Variants in CTNNA3 observed in about 807,000 individuals in gnomAD.
CTNNA3 encodes catenin alpha 3.
In CTNNA3, 76 loss-of-function variants were observed where a neutral mutation model predicts 95.7. The observed-to-expected ratio is 0.79, with a 90% CI of 0.66 to 0.96. The LOEUF is 0.96. Among genes scored for constraint, CTNNA3 ranks in the 40% least tolerant of loss-of-function variants. The probability of loss-of-function intolerance (pLI) is 0.00; values close to 1 mark genes in which losing one functional copy is unlikely to be tolerated. For synonymous variants in CTNNA3, 431 were observed against 374.4 expected (o/e 1.15, Z -1.74); for missense variants, 1,191 against 1,089.8 (o/e 1.09, Z -1.31).
intron 15 of CTNNA3, among the ~76,000 whole-genome samples, chr10:65,994,813 C>T (rs910297305): frequency 6.6e-6 from 1 of 152,028 alleles, no homozygotes; most frequent in African/African-American, 2.4e-5. Context: ...CTTTATGGAG[C>T]CCCATTTGTT....
intron 1 of CTNNA3, among the ~76,000 whole-genome samples, chr10:67,693,507 C>CA (rs953327796): frequency 8.6e-5 from 13 of 151,456 alleles, no homozygotes; most frequent in South Asian, 2.1e-4. Flanking sequence ...CCTTCTATTC[C>CA]AAAAAAAATA....
At chr10:66,889,286 T>C (rs1349582286) in intron 7 of CTNNA3, among the ~76,000 whole-genome samples, 1 of 152,200 alleles carries the variant, frequency 6.6e-6, no homozygotes, top group Non-Finnish European at 1.5e-5. Context: ...CTCGGTATGA[T>C]ACTGTAATGG....
chr10:66,052,016 AG>A lies in CTNNA3; in HGVS notation c.2159+17291del, dbSNP rs1402492995. 3.9e-5 allele frequency among the ~76,000 whole-genome samples: 6 copies of A among 152,314 alleles called. No individual in the cohort carries two copies. The East Asian group carries it at 1.2e-3, about 29-fold the overall frequency. On this transcript the variant is annotated intron_variant, in intron 15 of 17. Transcript: ENST00000433211. Reference sequence around the variant, plus strand: ...TTATTATAGATAGAAAAAAATTTGAAGCCAGTAAAAATTCCATAAATTGGCA... The same window carrying A: ...TTATTATAGATAGAAAAAAATTTGAACCAGTAAAAATTCCATAAATTGGCA...
At chr10:66,707,720 G>A (rs1322729554) in intron 9 of CTNNA3, among the ~76,000 whole-genome samples, 4 of 152,040 alleles carry the variant, frequency 2.6e-5, no homozygotes, top group Non-Finnish European at 5.9e-5. Context: ...TAAGTGACAA[G>A]GTGGTAGAAA....
chr10:66,353,363 T>C lies in CTNNA3; in HGVS notation c.1732+25789A>G, dbSNP rs570466696. Among the ~76,000 whole-genome samples the C allele has an allele frequency of 4.0e-3, 608 of 152,260 alleles. 15 individuals are homozygous for C. The highest frequency in any genetic ancestry group is 7.0e-3 in the Non-Finnish European group (474 of 67,984). The stretch of plus-strand genomic sequence containing the variant: ...CAATTGTAAATTCAGTAGGCTCAAA[T>C]ATATATTTTTAAAAGGCTATGTTTG... On this transcript the variant is annotated intron_variant, in intron 12 of 17. Coordinates refer to ENST00000433211, the MANE Select transcript of CTNNA3 (RefSeq NM_013266.4).
At chr10:65,997,610 G>A (rs887148204) in intron 15 of CTNNA3, among the ~76,000 whole-genome samples, 2 of 152,166 alleles carry the variant, frequency 1.3e-5, no homozygotes, top group African/African-American at 2.4e-5. Flanking sequence ...TCTAAACTCA[G>A]AGAGTACCGG....
At chr10:67,434,699 G>A (rs139721490) in intron 5 of CTNNA3, among the ~76,000 whole-genome samples, 137 of 151,946 alleles carry the variant, frequency 9.0e-4, no homozygotes, top group African/African-American at 2.8e-3. Context: ...AAACCCAAGC[G>A]ACATCATGGA....
chr10:67,685,967 TC>T (rs1840723507), intron 1 of CTNNA3, among the ~76,000 whole-genome samples: 1 of 152,214 alleles, frequency 6.6e-6, no homozygotes, highest in African/African-American at 2.4e-5. Context: ...TTTCCTTCTG[TC>T]TTTGACTTTG....
chr10:67,569,411 CAT>C (rs1841913920), intron 3 of CTNNA3, among the ~76,000 whole-genome samples: 1 of 151,968 alleles, frequency 6.6e-6, no homozygotes. Flanking sequence ...AGCTGTGTAC[CAT>C]TTACTTTGAA....
At chr10:67,291,144 G>T (rs1269642523) in intron 5 of CTNNA3, among the ~76,000 whole-genome samples, 1 of 152,128 alleles carries the variant, frequency 6.6e-6, no homozygotes, top group Non-Finnish European at 1.5e-5. Context: ...TATAAATGGA[G>T]ATATTGACAC....
intron 7 of CTNNA3, among the ~76,000 whole-genome samples, chr10:67,095,130 T>C (rs974352998): frequency 1.3e-5 from 2 of 151,546 alleles, no homozygotes; most frequent in African/African-American, 2.4e-5. Flanking sequence ...TTCAAAATCA[T>C]TTAGGTCAAC....
intron 7 of CTNNA3, among the ~76,000 whole-genome samples, chr10:67,101,358 T>C (rs1413329537): frequency 6.6e-6 from 1 of 151,790 alleles, no homozygotes; most frequent in Non-Finnish European, 1.5e-5. Context: ...TGGGAAGACT[T>C]ACATAAAATT....
rs918553367 is a variant in CTNNA3 at position 67,297,447 on chromosome 10, T to A, written c.580-77577A>T. Among the ~76,000 whole-genome samples, 3 of 152,188 alleles carry A rather than the reference T, an allele frequency of 2.0e-5. 1 individual carries two copies. The South Asian group carries it at 6.2e-4, about 32-fold the overall frequency. Reference sequence around the variant, plus strand: ...CTCAGAGTTCAGCCCACTGGAAGGATTTCCCTTCCCACTGTCTTTCACGGT... The same window carrying A: ...CTCAGAGTTCAGCCCACTGGAAGGAATTCCCTTCCCACTGTCTTTCACGGT... On this transcript the variant is annotated intron_variant, in intron 5 of 17. Transcript: ENST00000433211.
chr10:66,064,374 T>C (rs2080271897), intron 15 of CTNNA3, among the ~76,000 whole-genome samples: 1 of 152,222 alleles, frequency 6.6e-6, no homozygotes, highest in South Asian at 2.1e-4. Flanking sequence ...GATGGTGTTT[T>C]ACCAAGCCTT....
At chr10:67,308,957 G>A (rs1184562615) in intron 5 of CTNNA3, among the ~76,000 whole-genome samples, 1 of 152,092 alleles carries the variant, frequency 6.6e-6, no homozygotes, top group Non-Finnish European at 1.5e-5. Flanking sequence ...GGTCTGAAGT[G>A]ACTTTTTAAC....
At chr10:66,215,355 G>A (rs956716224) in intron 13 of CTNNA3, among the ~76,000 whole-genome samples, 1 of 152,072 alleles carries the variant, frequency 6.6e-6, no homozygotes, top group Non-Finnish European at 1.5e-5. Flanking sequence ...GTTACCTCAG[G>A]TGATCCCTAT....
intron 10 of CTNNA3, among the ~76,000 whole-genome samples, chr10:66,567,595 C>T (rs1389596559): frequency 1.3e-5 from 2 of 151,766 alleles, no homozygotes; most frequent in Non-Finnish European, 2.9e-5. Flanking sequence ...CTCTAGCCTG[C>T]GTGACAGAGC....
At chr10:66,080,705 C>G (rs972457229) in intron 14 of CTNNA3, among the ~76,000 whole-genome samples, 1 of 152,102 alleles carries the variant, frequency 6.6e-6, no homozygotes, top group Non-Finnish European at 1.5e-5. Context: ...AGATGGAACT[C>G]AACTCTGCTG....
chr10:67,491,813 C>G (rs1366339423), intron 5 of CTNNA3, among the ~76,000 whole-genome samples: 3 of 151,612 alleles, frequency 2.0e-5, no homozygotes, highest in African/African-American at 7.3e-5. Flanking sequence ...AATTTGAATG[C>G]AAGATAACCA....
Sources: gnomAD v4.1 joint callset for allele counts (sites outside exome capture counted in the v4.1 genomes callset) on GRCh38, gnomAD v4.1.1 for gene constraint, MANE v1.5 for transcripts, NCBI Gene and HGNC (gene_info 2026-07-23, HGNC 2026-07-21) for gene names.